The following ZNF143 variants were observed in gnomAD, a reference collection of about 807,000 sequenced individuals.
ZNF143 encodes the protein zinc finger protein 143.
A neutral mutation model predicts 74.1 loss-of-function variants in ZNF143; 49 were observed. The ratio of observed to expected loss-of-function variants is 0.66; its 90% CI spans 0.53 to 0.84. The LOEUF is 0.84. ZNF143 is among the 40% of genes least tolerant of loss of function. ZNF143 has a pLI of 0.00. For missense variants in ZNF143, 637 were observed against 793.4 expected, an observed-to-expected ratio of 0.80 and a Z score of 2.37; for synonymous variants, 304 against 282.8, an observed-to-expected ratio of 1.07 and a Z score of -0.75.
chr11:9,505,994 A>T (rs1020423573), intron 11 of ZNF143, among the ~76,000 whole-genome samples: 1 of 151,310 alleles, frequency 6.6e-6, no homozygotes, highest in Non-Finnish European at 1.5e-5. Context: ...GGCTTTTTGG[A>T]TGGGCTGGGA....
Position 9,512,497 on chromosome 11 carries a change from T to A in ZNF143, c.1425T>A (p.Gly475=). ...GGTCCCAGATTACGTATGTTACAGG[T>A]GTAGAAGGGGACGACGTTGTTTCTA... ...LKGSQITYVT[G]VEGDDVVSTQ... Residue 475 remains glycine (G), a synonymous_variant, in exon 13 of 16, where the codon GGT becomes GGA. Coordinates refer to ENST00000396602, the MANE Select transcript of ZNF143 (RefSeq NM_003442.6). 6.2e-7 allele frequency: 1 copy of A among 1,614,162 alleles called. No individual in the cohort carries two copies. The highest frequency in any genetic ancestry group is 8.5e-7 in the Non-Finnish European group (1 of 1,180,024).
At chr11:9,515,429 C>T (rs922977312) in intron 13 of ZNF143, among the ~76,000 whole-genome samples, 3 of 151,362 alleles carry the variant, frequency 2.0e-5, no homozygotes, top group Non-Finnish European at 4.4e-5. Flanking sequence ...GTGGGCGGAT[C>T]ACAAGGTCAG....
At chr11:9,476,053 T>C (rs1365993841) in intron 5 of ZNF143, among the ~76,000 whole-genome samples, 2 of 152,036 alleles carry the variant, frequency 1.3e-5, no homozygotes, top group East Asian at 1.9e-4. Context: ...AAAATGTTAA[T>C]GCTTATTACA....
At chr11:9,495,832 A>G (rs1471380825) in intron 8 of ZNF143, among the ~76,000 whole-genome samples, 1 of 152,202 alleles carries the variant, frequency 6.6e-6, no homozygotes, top group Non-Finnish European at 1.5e-5. Context: ...GCAACCCTCT[A>G]TGGTAGATAC....
chr11:9,509,709 C>G (rs1848474212), intron 12 of ZNF143, among the ~76,000 whole-genome samples: 1 of 152,128 alleles, frequency 6.6e-6, no homozygotes, highest in South Asian at 2.1e-4. Context: ...TCAGATGATT[C>G]CTTGTAGTCC....
In ZNF143 at chr11:9,477,502, G is replaced by A. The variant is rs139241403; in HGVS notation, c.374-888G>A. On this transcript the variant is annotated intron_variant, in intron 5 of 15. Transcript: ENST00000396602. ...AATCTCTTGACCTTGTGATCCGCCT[G>A]GCTTGGCCTCCCAAAGTGTTGGGAT... Among the ~76,000 whole-genome samples the A allele has an allele frequency of 7.1e-3, 1,086 of 152,154 alleles. 44 individuals carry two copies. In the East Asian group the frequency reaches 0.12, roughly 17 times the overall value.
intron 11 of ZNF143, among the ~76,000 whole-genome samples, chr11:9,504,951 G>A (rs1848305215): frequency 8.7e-6 from 1 of 114,554 alleles, no homozygotes; most frequent in South Asian, 3.0e-4. Flanking sequence ...GGGATTACAG[G>A]TGTGAGCCAC....
chr11:9,473,898 T>G (rs750200731), intron 3 of ZNF143, 43 bp from the exon 4 acceptor site: 1 of 1,613,406 alleles, frequency 6.2e-7, no homozygotes, highest in South Asian at 1.1e-5. Flanking sequence ...AAGTTTAAAA[T>G]TTTTGTTTGT....
At chr11:9,488,816 T>A (rs1728853220) in intron 7 of ZNF143, among the ~76,000 whole-genome samples, 2 of 152,026 alleles carry the variant, frequency 1.3e-5, no homozygotes, top group African/African-American at 4.8e-5. Flanking sequence ...TAGGGAGTTA[T>A]GATGGAGGGA....
intron 10 of ZNF143, among the ~76,000 whole-genome samples, chr11:9,500,084 C>T (rs150195186): frequency 4.6e-5 from 7 of 152,028 alleles, no homozygotes; most frequent in African/African-American, 1.4e-4. Context: ...CTGGGACTTA[C>T]CACTGTGCAC....
At chr11:9,511,336 G>T (rs540873324) in intron 12 of ZNF143, among the ~76,000 whole-genome samples, 6 of 151,440 alleles carry the variant, frequency 4.0e-5, no homozygotes, top group Admixed American at 2.6e-4. Flanking sequence ...TTGCTCTGTC[G>T]CCCAGGCTGG....
intron 5 of ZNF143, among the ~76,000 whole-genome samples, chr11:9,477,554 C>T (rs759401321): frequency 7.9e-5 from 12 of 152,178 alleles, no homozygotes; most frequent in East Asian, 3.9e-4. Flanking sequence ...CACAAAAGGC[C>T]GCACTTTTTT....
chr11:9,475,391 C>G (rs892727256), intron 5 of ZNF143, among the ~76,000 whole-genome samples: 1 of 152,180 alleles, frequency 6.6e-6, no homozygotes, highest in South Asian at 2.1e-4. Flanking sequence ...TCCTGAGCAG[C>G]TAGGACTACA....
At chr11:9,492,622 A>G (rs146229238) in intron 7 of ZNF143, among the ~76,000 whole-genome samples, 2 of 152,306 alleles carry the variant, frequency 1.3e-5, no homozygotes, top group African/African-American at 4.8e-5. Context: ...AAATTGAACA[A>G]TTATCACAAT....
rs766424090 is a variant in ZNF143 at position 9,479,493 on chromosome 11, A to G, written c.592A>G (p.Ser198Gly). The change falls in exon 7 of 16, where the codon AGT (serine) becomes GGT (glycine). Residue 198 changes from serine to glycine, a missense_variant. Transcript: ENST00000396602. ...ATAGGTGTCCATTGATGGAAGTGAA[A>G]GTGTAGCAGGTACTGGAATGATTGG... ...AAKVSIDGSE[S>G]VAGTGMIGEN... 8.7e-6 allele frequency: 14 copies of G among 1,613,056 alleles called. No homozygotes were observed. The East Asian group carries it at 1.1e-4, about 13-fold the overall frequency.
chr11:9,477,888 C>T (rs145962793), intron 5 of ZNF143, among the ~76,000 whole-genome samples: 78 of 152,212 alleles, frequency 5.1e-4, no homozygotes, highest in African/African-American at 1.5e-3. Context: ...TGCAGTGGCA[C>T]GATCTTGGCT....
At chr11:9,504,799 T>C (rs1163753388) in intron 11 of ZNF143, among the ~76,000 whole-genome samples, 6 of 113,394 alleles carry the variant, frequency 5.3e-5, no homozygotes, top group Admixed American at 9.6e-5. Flanking sequence ...CTCAGCCTCC[T>C]GAGTAGCTGG....
chr11:9,474,775 A>G, intron 5 of ZNF143, 142 bp downstream of exon 5: 1 of 914,258 alleles, frequency 1.1e-6, no homozygotes, highest in Non-Finnish European at 1.6e-6. Context: ...AGATTTAAGC[A>G]TGATTTAAGG....
intron 12 of ZNF143, among the ~76,000 whole-genome samples, chr11:9,509,652 G>C (rs541787962): frequency 6.6e-6 from 1 of 152,100 alleles, no homozygotes; most frequent in African/African-American, 2.4e-5. Context: ...AAAACATTTA[G>C]GTGGAAAAGG....
Sources: gnomAD v4.1 joint callset for allele counts (sites outside exome capture counted in the v4.1 genomes callset) on GRCh38, gnomAD v4.1.1 for gene constraint, MANE v1.5 for transcripts, NCBI Gene and HGNC (gene_info 2026-07-23, HGNC 2026-07-21) for gene names.